Variants in SPATA7 observed in about 807,000 individuals in gnomAD.
SPATA7 encodes the protein spermatogenesis associated 7.
SPATA7 carries 43 observed loss-of-function variants against 51.8 expected under a neutral mutation model. The ratio of observed to expected loss-of-function variants is 0.83; its 90% CI spans 0.65 to 1.07. SPATA7 has a LOEUF of 1.07. Among genes scored for constraint, SPATA7 ranks in the 50% least tolerant of loss-of-function variants. SPATA7 has a pLI of 0.00. For synonymous variants in SPATA7, 230 were observed against 252.8 expected (o/e 0.91, Z 0.86); for missense variants, 683 against 701.3 (o/e 0.97, Z 0.30).
At chr14:88,414,773 TTTG>T (rs148286281) in intron 4 of SPATA7, 5,441 of 297,008 alleles carry the variant, frequency 0.018, 287 homozygotes, top group African/African-American at 0.12. Context: ...AAAGAGTTTT[TTTG>T]TTTTTTTTTA....
intron 4 of SPATA7, among the ~76,000 whole-genome samples, chr14:88,463,232 G>A (rs1254313155): frequency 1.3e-5 from 2 of 152,042 alleles, no homozygotes; most frequent in East Asian, 1.9e-4. Context: ...GTGGCAACAG[G>A]AAAGGTAGGG....
At chr14:88,426,194 G>A (rs550596781) in intron 5 of SPATA7, 38 bp from the exon 6 acceptor site, 27 of 1,444,832 alleles carry the variant, frequency 1.9e-5, no homozygotes, top group Admixed American at 1.4e-4. Context: ...ACATGAATTC[G>A]TAATGCAGTT....
At chr14:88,455,374 G>T, downstream of SPATA7, 1 of 192,062 alleles carries the variant, frequency 5.2e-6, no homozygotes, top group South Asian at 1.0e-4. Context: ...ATAATCCAGT[G>T]GGGAAATAGG....
rs747232274 is a variant in SPATA7 at position 88,391,369 on chromosome 14, T to C, written c.20-12T>C. 8 of 1,608,778 alleles carry C rather than the reference T, an allele frequency of 5.0e-6. No homozygotes were observed. In the African/African-American group the frequency reaches 8.0e-5, roughly 16 times the overall value. ...TTTATCCTAATTTATGATTTTTTTTTCTTGTTAAAAGTCAGAGCAACCTCT... is the reference window on the plus strand; with the variant it reads ...TTTATCCTAATTTATGATTTTTTTTCCTTGTTAAAAGTCAGAGCAACCTCT... On this transcript the variant is annotated splice_polypyrimidine_tract_variant and intron_variant, in intron 1 of 11. Transcript: ENST00000393545.
intron 7 of SPATA7, chr14:88,428,527 G>A (rs1041237642): frequency 1.3e-5 from 2 of 152,160 alleles, no homozygotes; most frequent in Admixed American, 1.3e-4. Context: ...TCCTCATCTA[G>A]AAAAACTGTA....
chr14:88,439,285 C>T (rs17124700), downstream of SPATA7, among the ~76,000 whole-genome samples: 35,239 of 151,936 alleles, frequency 0.23, 4,234 homozygotes, highest in East Asian at 0.3. Context: ...GGAATTCTGT[C>T]AGCTGGCTGA....
chr14:88,433,731 A>C (rs182794419), intron 10 of SPATA7, among the ~76,000 whole-genome samples: 90 of 152,292 alleles, frequency 5.9e-4, no homozygotes, highest in African/African-American at 2.1e-3. Flanking sequence ...TTATGTATCT[A>C]AGATTCATTG....
At chr14:88,397,512 A>G (rs941738090) in intron 4 of SPATA7, among the ~76,000 whole-genome samples, 1 of 151,920 alleles carries the variant, frequency 6.6e-6, no homozygotes, top group Non-Finnish European at 1.5e-5. Flanking sequence ...ATGTGGTGGC[A>G]TGCAACTCTG....
chr14:88,435,432 A>G (rs905421198), intron 10 of SPATA7, among the ~76,000 whole-genome samples: 1 of 152,194 alleles, frequency 6.6e-6, no homozygotes, highest in Non-Finnish European at 1.5e-5. Flanking sequence ...TTGAGTTACA[A>G]ACGATCAGAT....
downstream of SPATA7, among the ~76,000 whole-genome samples, chr14:88,442,221 A>C (rs2077182895): frequency 6.6e-6 from 1 of 151,536 alleles, no homozygotes; most frequent in Non-Finnish European, 1.5e-5. Flanking sequence ...GCAGAGTCTC[A>C]CTCTGTCACC....
At chr14:88,446,476 T>C (rs1232574790) in intron 3 of SPATA7, among the ~76,000 whole-genome samples, 4 of 152,160 alleles carry the variant, frequency 2.6e-5, no homozygotes, top group Non-Finnish European at 5.9e-5. Context: ...TTTGTGTCTC[T>C]ATTTCCTTCA....
intron 3 of SPATA7, among the ~76,000 whole-genome samples, chr14:88,448,280 C>T (rs2077227920): frequency 6.6e-6 from 1 of 152,192 alleles, no homozygotes; most frequent in Non-Finnish European, 1.5e-5. Flanking sequence ...ATCGCATTGG[C>T]TCCTGAGGCT....
downstream of SPATA7, among the ~76,000 whole-genome samples, chr14:88,458,713 G>A (rs1024743678): frequency 1.3e-5 from 2 of 151,156 alleles, no homozygotes; most frequent in Non-Finnish European, 3.0e-5. Context: ...GGTTTTTTGT[G>A]TATCTCCTTC....
chr14:88,469,629 G>T lies in SPATA7; in HGVS notation c.255-218G>T. On this transcript the variant is annotated intron_variant, in intron 4 of 4. Transcript: ENST00000556406. The surrounding 1 kb of genome is among the most constrained non-coding windows in gnomAD (Gnocchi z 4.3). ...GGCCTGTGGTGGCATAGCAGCCAGA[G>T]TCTGTGCGGAACCGGGTCGTGATCT... The T allele has an allele frequency of 6.2e-7, 1 of 1,614,182 alleles. No homozygotes were observed. Among genetic ancestry groups the T allele is most frequent in the Non-Finnish European group, 8.5e-7 (1 of 1,180,038 alleles).
intron 4 of SPATA7, among the ~76,000 whole-genome samples, chr14:88,464,656 G>T (rs1286029223): frequency 6.6e-6 from 1 of 152,142 alleles, no homozygotes. Context: ...CTTGAACCCA[G>T]AAGGTGGAGG....
chr14:88,448,591 C>A (rs2077230295), intron 3 of SPATA7, among the ~76,000 whole-genome samples: 1 of 152,194 alleles, frequency 6.6e-6, no homozygotes, highest in Admixed American at 6.5e-5. Flanking sequence ...TTTTTCTGCT[C>A]TGTTTTTTCC....
At chr14:88,445,491 C>T (rs528372102) in intron 3 of SPATA7, among the ~76,000 whole-genome samples, 3,850 of 151,992 alleles carry the variant, frequency 0.025, 167 homozygotes, top group African/African-American at 0.088. Context: ...TTCTCCTGCC[C>T]AATTGCCCTG....
At chr14:88,386,408 C>T (rs1441997934) in intron 1 of SPATA7, among the ~76,000 whole-genome samples, 1 of 152,164 alleles carries the variant, frequency 6.6e-6, no homozygotes, top group Non-Finnish European at 1.5e-5. Flanking sequence ...ATAGGAATCC[C>T]CTCAGGGTCA....
chr14:88,427,934 T>A (rs1404332839), intron 7 of SPATA7: 1 of 418,638 alleles, frequency 2.4e-6, no homozygotes, highest in Non-Finnish European at 4.4e-6. Context: ...CTTTCCTAGA[T>A]GATTGGTTGG....
Sources: gnomAD v4.1 joint callset for allele counts (sites outside exome capture counted in the v4.1 genomes callset) on GRCh38, gnomAD v4.1.1 for gene constraint, Gnocchi (gnomAD v3.1) non-coding constraint, MANE v1.5 for transcripts, NCBI Gene and HGNC (gene_info 2026-07-23, HGNC 2026-07-21) for gene names.